The following THUMPD2 variants were observed in gnomAD, a reference collection of about 807,000 sequenced individuals.
THUMPD2 encodes the protein THUMP domain 2 tRNA and snRNA guanosine methyltransferase, also known as U6 snRNA (guanine-N(2))-methyltransferase THUMPD2.
A neutral mutation model predicts 49.4 loss-of-function variants in THUMPD2; 56 were observed. That is an observed-to-expected ratio of 1.13 (90% CI 0.91 to 1.41). The LOEUF (loss-of-function observed/expected upper bound fraction) is 1.41, where lower values mean the gene tolerates loss of function less well. THUMPD2 is among the 40% of genes most tolerant of loss of function. The pLI is 0.00. For missense variants in THUMPD2, 709 were observed against 594.5 expected (o/e 1.19, Z -2.00); for synonymous variants, 237 against 205.2 (o/e 1.15, Z -1.32).
At chr2:39,757,206 C>A in intron 6 of THUMPD2, 2 of 402,850 alleles carry the variant, frequency 5.0e-6, no homozygotes, top group South Asian at 3.9e-5. Flanking sequence ...CGGGAGAAAA[C>A]AATTGTCTAG....
chr2:39,749,519 A>ATT (rs534632848), intron 8 of THUMPD2, among the ~76,000 whole-genome samples: 2 of 152,266 alleles, frequency 1.3e-5, no homozygotes, highest in Admixed American at 6.5e-5. Flanking sequence ...ACAGAGTGAT[A>ATT]TTTTAAATGC....
Position 39,771,515 on chromosome 2 carries a change from A to G in THUMPD2, c.252T>C (p.Ser84=). Residue 84 remains serine, a synonymous_variant, in exon 2 of 10, where the codon TCT becomes TCC. Coordinates refer to ENST00000505747, the MANE Select transcript of THUMPD2 (RefSeq NM_025264.5). ...IKKQFPLIIS[S]VSKGKIFNEM... is the part of the protein sequence containing the mutation. ...ATGAATATGCCATACCTTTACTTAC[A>G]GAAGAAATAATAAGTGGAAACTGCT... The G allele has an allele frequency of 6.2e-7, 1 of 1,600,590 alleles. No individual in the cohort carries two copies. The highest frequency in any genetic ancestry group is 8.5e-7 in the Non-Finnish European group (1 of 1,176,470).
chr2:39,766,907 T>G (rs891854765), intron 4 of THUMPD2, among the ~76,000 whole-genome samples: 2 of 152,234 alleles, frequency 1.3e-5, no homozygotes, highest in Non-Finnish European at 2.9e-5. Flanking sequence ...ACAGCTAAAC[T>G]TCCCAATTTT....
intron 6 of THUMPD2, among the ~76,000 whole-genome samples, chr2:39,756,920 A>C (rs1261645227): frequency 6.8e-6 from 1 of 147,226 alleles, no homozygotes; most frequent in South Asian, 2.2e-4. Flanking sequence ...TAATAATAAT[A>C]ATAATAATAA....
chr2:39,773,354 T>C (rs937458333), intron 1 of THUMPD2, among the ~76,000 whole-genome samples: 1 of 151,890 alleles, frequency 6.6e-6, no homozygotes, highest in East Asian at 1.9e-4. Flanking sequence ...AAATGTATGA[T>C]TTTAAGTTTC....
chr2:39,768,082 T>C (rs1479498981), intron 4 of THUMPD2, among the ~76,000 whole-genome samples: 2 of 152,228 alleles, frequency 1.3e-5, no homozygotes, highest in Non-Finnish European at 2.9e-5. Context: ...TCCATTTTTT[T>C]AATATTAGCT....
intron 1 of THUMPD2, among the ~76,000 whole-genome samples, chr2:39,778,336 T>C (rs538460036): frequency 6.6e-6 from 1 of 152,366 alleles, no homozygotes; most frequent in African/African-American, 2.4e-5. Context: ...ACTGACATAA[T>C]TCTTCACGAC....
intron 6 of THUMPD2, 39 bp from the exon 7 acceptor site, chr2:39,755,999 C>A: frequency 6.4e-7 from 1 of 1,559,808 alleles, no homozygotes. Flanking sequence ...ATTAAGACTA[C>A]CATAGTACGT....
intron 5 of THUMPD2, among the ~76,000 whole-genome samples, chr2:39,762,991 T>C (rs1677020156): frequency 1.3e-5 from 2 of 151,960 alleles, no homozygotes; most frequent in African/African-American, 2.4e-5. Flanking sequence ...TGGGCAAAAT[T>C]ATCTCATTAC....
At chr2:39,767,343 GC>G (rs1447533175) in intron 4 of THUMPD2, among the ~76,000 whole-genome samples, 1 of 152,144 alleles carries the variant, frequency 6.6e-6, no homozygotes, top group East Asian at 1.9e-4. Flanking sequence ...GGTGGCTCAC[GC>G]CTGTAATCCC....
intron 5 of THUMPD2, among the ~76,000 whole-genome samples, chr2:39,765,619 A>C (rs1011082986): frequency 2.0e-5 from 3 of 152,030 alleles, no homozygotes; most frequent in African/African-American, 7.2e-5. Flanking sequence ...AATTATACTT[A>C]ATATAATTGC....
At chr2:39,748,235 T>G (rs1387186474) in intron 8 of THUMPD2, among the ~76,000 whole-genome samples, 1 of 152,224 alleles carries the variant, frequency 6.6e-6, no homozygotes, top group Non-Finnish European at 1.5e-5. Flanking sequence ...TGGTAAAGTT[T>G]ATAGCACCAC....
intron 2 of THUMPD2, 28 bp from the exon 3 acceptor site, chr2:39,770,147 C>G (rs1678117661): frequency 1.4e-6 from 2 of 1,418,962 alleles, no homozygotes; most frequent in African/African-American, 1.5e-5. Flanking sequence ...TGTTGATCCT[C>G]TATTGAAGCT....
At position 39,741,537 on chromosome 2, in the gene THUMPD2, C is replaced by A. The variant is rs544736852; in HGVS notation, c.1187+2833G>T. 5.9e-5 allele frequency among the ~76,000 whole-genome samples: 9 copies of A among 152,238 alleles called. No individual in the cohort carries two copies. The East Asian group carries it at 1.7e-3, about 29-fold the overall frequency. On this transcript the variant is annotated intron_variant, in intron 9 of 9. Coordinates refer to ENST00000505747, the MANE Select transcript of THUMPD2 (RefSeq NM_025264.5). ...TGCAAGGTGAATTTTTAATTTTGCT[C>A]ATGTATTTGCACAGTTACATTTGAG...
chr2:39,769,167 C>G (rs929218990), intron 3 of THUMPD2: 1 of 1,109,818 alleles, frequency 9.0e-7, no homozygotes, highest in Non-Finnish European at 1.2e-6. Flanking sequence ...ACTATGGTAT[C>G]AGGATTTCCA....
At position 39,766,966 on chromosome 2, in the gene THUMPD2, G is replaced by A. The variant is rs1334295755; in HGVS notation, c.751-857C>T. ...CTATTTATTAGAATTGTTTTCTATT[G>A]ACAATTTATTCTAAAGATACGACAT... is the stretch of plus-strand genomic sequence containing the variant. On this transcript the variant is annotated intron_variant, in intron 4 of 9. Transcript: ENST00000505747. Among the ~76,000 whole-genome samples the A allele has an allele frequency of 3.4e-4, 52 of 152,142 alleles. 1 individual carries two copies. Among genetic ancestry groups the A allele is most frequent in the Non-Finnish European group, 1.3e-4 (9 of 68,004 alleles).
At chr2:39,775,272 C>T (rs1406140365) in intron 1 of THUMPD2, among the ~76,000 whole-genome samples, 2 of 152,072 alleles carry the variant, frequency 1.3e-5, no homozygotes, top group Non-Finnish European at 2.9e-5. Context: ...GAGCCTGATC[C>T]TGTCACGATT....
At chr2:39,770,353 A>G (rs895014287) in intron 2 of THUMPD2, among the ~76,000 whole-genome samples, 2 of 152,142 alleles carry the variant, frequency 1.3e-5, no homozygotes, top group Non-Finnish European at 2.9e-5. Flanking sequence ...TAAAATTCCT[A>G]TAGAATTACC....
At chr2:39,749,033 T>G (rs1675020278) in intron 8 of THUMPD2, among the ~76,000 whole-genome samples, 1 of 152,166 alleles carries the variant, frequency 6.6e-6, no homozygotes, top group South Asian at 2.1e-4. Flanking sequence ...AGTGTCTGTT[T>G]CAATGGACAC....
Sources: gnomAD v4.1 joint callset for allele counts (sites outside exome capture counted in the v4.1 genomes callset) on GRCh38, gnomAD v4.1.1 for gene constraint, MANE v1.5 for transcripts, NCBI Gene and HGNC (gene_info 2026-07-23, HGNC 2026-07-21) for gene names.